SPMIP2: variants seen among roughly 807,000 people sequenced by gnomAD.
SPMIP2 encodes protein SPMIP2.
At chr4:159,047,736 A>G in the SPMIP2 span, among the ~76,000 whole-genome samples, 1 of 152,238 alleles carries the variant, frequency 6.6e-6, no homozygotes, top group African/African-American at 2.4e-5. Context: ...AGTAGTTGAC[A>G]GTGAGGTTGC....
chr4:158,899,755 G>A, the SPMIP2 span, among the ~76,000 whole-genome samples: 375 of 152,038 alleles, frequency 2.5e-3, 2 homozygotes, highest in African/African-American at 8.6e-3. Flanking sequence ...TTCTTTATTA[G>A]TCTGGCTAGT....
the SPMIP2 span, among the ~76,000 whole-genome samples, chr4:159,066,831 TC>T: frequency 6.6e-6 from 1 of 152,112 alleles, no homozygotes; most frequent in Non-Finnish European, 1.5e-5. Flanking sequence ...ATAACTATTA[TC>T]AGCTTTGTAC....
chr4:159,014,816 TAAA>T, the SPMIP2 span, among the ~76,000 whole-genome samples: 1 of 144,572 alleles, frequency 6.9e-6, no homozygotes, highest in Non-Finnish European at 1.5e-5. Context: ...GCTGACGAGC[TAAA>T]AAAAAAAAAA....
At chr4:159,035,192 C>G in the SPMIP2 span, 2 of 948,392 alleles carry the variant, frequency 2.1e-6, no homozygotes, top group Non-Finnish European at 3.3e-6. Context: ...GCAGTCTTTC[C>G]TCTCCCTGCT....
the SPMIP2 span, among the ~76,000 whole-genome samples, chr4:158,982,783 T>C: frequency 0.018 from 2,760 of 152,082 alleles, 80 homozygotes; most frequent in African/African-American, 0.063. Flanking sequence ...GAGATCCAAA[T>C]TGACACCCTA....
At chr4:158,985,599 A>G in the SPMIP2 span, among the ~76,000 whole-genome samples, 2 of 152,244 alleles carry the variant, frequency 1.3e-5, no homozygotes, top group African/African-American at 4.8e-5. Flanking sequence ...CATGCTAAAA[A>G]CTCTCAATAA....
chr4:158,899,164 A>G, the SPMIP2 span, among the ~76,000 whole-genome samples: 4 of 152,130 alleles, frequency 2.6e-5, no homozygotes, highest in Non-Finnish European at 4.4e-5. Flanking sequence ...TGATTTGTGT[A>G]TGTTGAACCA....
the SPMIP2 span, among the ~76,000 whole-genome samples, chr4:159,029,445 A>G: frequency 6.6e-6 from 1 of 152,260 alleles, no homozygotes; most frequent in East Asian, 1.9e-4. Flanking sequence ...AGTATGTTAT[A>G]TATCAACTTT....
the SPMIP2 span, among the ~76,000 whole-genome samples, chr4:158,963,972 G>A: frequency 3.3e-5 from 5 of 152,074 alleles, no homozygotes; most frequent in South Asian, 6.2e-4. Context: ...TGGCTGATAC[G>A]GTGAAACCCC....
the SPMIP2 span, among the ~76,000 whole-genome samples, chr4:158,998,375 T>C: frequency 6.6e-6 from 1 of 152,374 alleles, no homozygotes; most frequent in Non-Finnish European, 1.5e-5. Flanking sequence ...GAAGCTTCTC[T>C]ATTTATTAGA....
chr4:158,967,714 G>T, the SPMIP2 span, among the ~76,000 whole-genome samples: 5 of 152,094 alleles, frequency 3.3e-5, no homozygotes, highest in African/African-American at 1.2e-4. Flanking sequence ...AGAATTTGGG[G>T]ATAAAAAATG....
At chr4:159,002,037 G>A in the SPMIP2 span, among the ~76,000 whole-genome samples, 6 of 151,926 alleles carry the variant, frequency 3.9e-5, no homozygotes, top group Non-Finnish European at 7.4e-5. Flanking sequence ...CCTGACTGGT[G>A]TTTTTGTGGT....
At chr4:158,949,166 G>T in the SPMIP2 span, among the ~76,000 whole-genome samples, 2 of 152,020 alleles carry the variant, frequency 1.3e-5, no homozygotes, top group Non-Finnish European at 2.9e-5. Flanking sequence ...AATTTTAATA[G>T]ATATATTTGC....
the SPMIP2 span, among the ~76,000 whole-genome samples, chr4:158,965,373 G>T: frequency 2.0e-5 from 3 of 152,014 alleles, no homozygotes; most frequent in African/African-American, 7.2e-5. Flanking sequence ...TCCTAGCAGG[G>T]TCTGAAATCT....
chr4:159,001,021 A>G, the SPMIP2 span, among the ~76,000 whole-genome samples: 1 of 152,208 alleles, frequency 6.6e-6, no homozygotes, highest in Admixed American at 6.5e-5. Flanking sequence ...GTAAATAACT[A>G]GAAGTGGAAT....
the SPMIP2 span, chr4:159,026,326 G>A: frequency 1.6e-6 from 1 of 627,214 alleles, no homozygotes; most frequent in African/African-American, 1.8e-5. Context: ...TCGTACCCTG[G>A]GAGAGAAGTT....
At chr4:159,069,266 G>C in the SPMIP2 span, among the ~76,000 whole-genome samples, 4 of 152,232 alleles carry the variant, frequency 2.6e-5, no homozygotes, top group Non-Finnish European at 5.9e-5. Context: ...TCGTGCCACT[G>C]CACTCCAGCC....
chr4:159,077,984 T>A, the SPMIP2 span, among the ~76,000 whole-genome samples: 3 of 152,262 alleles, frequency 2.0e-5, no homozygotes, highest in African/African-American at 7.2e-5. Context: ...CAAGTTTATA[T>A]ATAAATAACA....
At chr4:159,003,036 T>C in the SPMIP2 span, among the ~76,000 whole-genome samples, 1 of 152,174 alleles carries the variant, frequency 6.6e-6, no homozygotes, top group African/African-American at 2.4e-5. Flanking sequence ...CAGGAAAGCA[T>C]TGTTTTTGCT....
Sources: allele counts gnomAD v4.1 joint callset (sites outside exome capture counted in the v4.1 genomes callset), GRCh38; gene constraint gnomAD v4.1.1; transcripts MANE v1.5; gene names NCBI Gene and HGNC (gene_info 2026-07-23, HGNC 2026-07-21).